OPCML: variants seen among roughly 807,000 people sequenced by gnomAD.
OPCML encodes opioid-binding protein/cell adhesion molecule.
A neutral mutation model predicts 37.8 loss-of-function variants in OPCML; 13 were observed. The ratio of observed to expected loss-of-function variants is 0.34; its 90% confidence interval spans 0.22 to 0.55. The LOEUF is 0.55. Among genes scored for constraint, OPCML ranks in the 20% least tolerant of loss-of-function variants. The pLI is 0.91. For missense variants in OPCML, 341 were observed against 435.6 expected, an observed-to-expected ratio of 0.78 and a Z score of 1.93; for synonymous variants, 176 against 168.8, an observed-to-expected ratio of 1.04 and a Z score of -0.33.
intron 1 of OPCML, among the ~76,000 whole-genome samples, chr11:133,236,087 A>G (rs556445884): frequency 6.6e-6 from 1 of 152,346 alleles, no homozygotes; most frequent in East Asian, 1.9e-4. Flanking sequence ...TTTAACAACA[A>G]CTAATATTAA....
chr11:133,042,993 C>T (rs1263788850), intron 1 of OPCML, among the ~76,000 whole-genome samples: 3 of 152,158 alleles, frequency 2.0e-5, no homozygotes, highest in Admixed American at 6.5e-5. Flanking sequence ...TCCTGCAAAA[C>T]ACTTGCAGAC....
At chr11:132,537,836 G>GA (rs1266250360) in intron 3 of OPCML, among the ~76,000 whole-genome samples, 1 of 152,084 alleles carries the variant, frequency 6.6e-6, no homozygotes. Context: ...TTATTTACCA[G>GA]AAAAATGCAA....
intron 1 of OPCML, among the ~76,000 whole-genome samples, chr11:133,329,897 A>G (rs2136645146): frequency 6.6e-6 from 1 of 152,346 alleles, no homozygotes; most frequent in African/African-American, 2.4e-5. Flanking sequence ...CAGAGTGAAC[A>G]GGCAACCTAC....
chr11:132,682,584 T>C (rs900860797), intron 2 of OPCML, among the ~76,000 whole-genome samples: 14 of 152,154 alleles, frequency 9.2e-5, no homozygotes, highest in African/African-American at 3.4e-4. Flanking sequence ...GGTCTGCTTA[T>C]GGCAAACTCA....
chr11:133,094,446 G>A (rs1313288466), intron 1 of OPCML, among the ~76,000 whole-genome samples: 1 of 152,132 alleles, frequency 6.6e-6, no homozygotes, highest in Non-Finnish European at 1.5e-5. Flanking sequence ...AACCTTTCCA[G>A]TTGCTTTGCA....
Position 132,630,559 on chromosome 11 carries a change from T to C in OPCML, c.379+26528A>G, listed in dbSNP as rs187864553. Among the ~76,000 whole-genome samples, 228 of 152,178 alleles carry C rather than the reference T, an allele frequency of 1.5e-3. 1 individual carries two copies. The highest frequency in any genetic ancestry group is 2.3e-3 in the Non-Finnish European group (158 of 68,000). ...GTGTGTGTGTGTGTGTGTCTTCTCA[T>C]AGTTGAGAGCAGAGAGCATATACCA... On this transcript the variant is annotated intron_variant, in intron 3 of 7. Coordinates refer to ENST00000524381, the MANE Select transcript of OPCML (RefSeq NM_001012393.5).
At chr11:132,479,783 C>T (rs28874935) in intron 4 of OPCML, among the ~76,000 whole-genome samples, 4 of 152,116 alleles carry the variant, frequency 2.6e-5, no homozygotes, top group Non-Finnish European at 5.9e-5. Flanking sequence ...CTCACAGGGC[C>T]GGGTACTCCA....
intron 1 of OPCML, among the ~76,000 whole-genome samples, chr11:133,514,753 T>G (rs1948228102): frequency 6.6e-6 from 1 of 152,166 alleles, no homozygotes; most frequent in Non-Finnish European, 1.5e-5. Flanking sequence ...TAGTTTAGCT[T>G]TATGTTTTTG....
At chr11:133,401,323 A>G (rs556230320) in intron 1 of OPCML, among the ~76,000 whole-genome samples, 1 of 152,346 alleles carries the variant, frequency 6.6e-6, no homozygotes, top group South Asian at 2.1e-4. Context: ...CAGAAAATCC[A>G]TATGTATTTT....
chr11:132,613,721 A>T (rs1938808752), intron 3 of OPCML, among the ~76,000 whole-genome samples: 1 of 152,120 alleles, frequency 6.6e-6, no homozygotes, highest in Non-Finnish European at 1.5e-5. Flanking sequence ...GAACAGACAT[A>T]TTTTTTTACT....
intron 2 of OPCML, among the ~76,000 whole-genome samples, chr11:132,904,733 C>T (rs1944176646): frequency 6.6e-6 from 1 of 152,198 alleles, no homozygotes; most frequent in Non-Finnish European, 1.5e-5. Flanking sequence ...ACCCAAGAGG[C>T]TGCTGGCCAG....
intron 1 of OPCML, among the ~76,000 whole-genome samples, chr11:133,095,275 A>ACG (rs1948981283): frequency 1.0e-5 from 1 of 97,730 alleles, no homozygotes; most frequent in Admixed American, 1.0e-4. Context: ...TTTAATGTAA[A>ACG]TGTTTTTTTT....
At chr11:133,468,217 A>G (rs1437697265) in intron 1 of OPCML, among the ~76,000 whole-genome samples, 1 of 152,196 alleles carries the variant, frequency 6.6e-6, no homozygotes, top group Non-Finnish European at 1.5e-5. Context: ...CCACCTCTCC[A>G]GGGTCCCATG....
intron 1 of OPCML, among the ~76,000 whole-genome samples, chr11:133,393,855 C>T (rs1284098102): frequency 6.6e-6 from 1 of 152,274 alleles, no homozygotes; most frequent in Non-Finnish European, 1.5e-5. Flanking sequence ...GGCAAGTCCT[C>T]TTGCCTGACA....
intron 1 of OPCML, among the ~76,000 whole-genome samples, chr11:133,034,800 A>G (rs1021171348): frequency 6.0e-5 from 9 of 149,494 alleles, no homozygotes; most frequent in African/African-American, 2.2e-4. Context: ...TACTAAGCCT[A>G]TAAGAGGAGT....
intron 1 of OPCML, among the ~76,000 whole-genome samples, chr11:133,195,863 T>C (rs75358725): frequency 6.6e-6 from 1 of 152,192 alleles, no homozygotes; most frequent in Non-Finnish European, 1.5e-5. Context: ...ATGAATGATA[T>C]ATATTGCCAT....
chr11:132,439,366 G>A (rs2096024117), intron 4 of OPCML, among the ~76,000 whole-genome samples: 1 of 152,194 alleles, frequency 6.6e-6, no homozygotes, highest in Non-Finnish European at 1.5e-5. Context: ...TTTCAAGAAA[G>A]AAACTCCAGA....
intron 1 of OPCML, among the ~76,000 whole-genome samples, chr11:133,264,578 G>A (rs749372006): frequency 3.9e-5 from 6 of 152,054 alleles, no homozygotes; most frequent in Non-Finnish European, 7.4e-5. Context: ...ACTTACCCTC[G>A]AGGGAACCAG....
At chr11:132,474,319 C>T (rs572291962) in intron 4 of OPCML, among the ~76,000 whole-genome samples, 1 of 152,178 alleles carries the variant, frequency 6.6e-6, no homozygotes, top group South Asian at 2.1e-4. Flanking sequence ...GAACAGAATG[C>T]TTTCTGGAAT....
Sources: allele counts gnomAD v4.1 joint callset (sites outside exome capture counted in the v4.1 genomes callset), GRCh38; gene constraint gnomAD v4.1.1; transcripts MANE v1.5; gene names NCBI Gene and HGNC (gene_info 2026-07-23, HGNC 2026-07-21).